Variants in RARB observed in about 807,000 individuals in gnomAD.
The protein encoded by RARB is retinoic acid receptor beta.
A neutral mutation model predicts 51.9 loss-of-function variants in RARB; 17 were observed. The observed-to-expected ratio is 0.33, with a 90% CI of 0.22 to 0.49. The LOEUF (loss-of-function observed/expected upper bound fraction) is 0.49. RARB is among the 20% of genes least tolerant of loss of function. The probability of loss-of-function intolerance (pLI) is 0.99; values close to 1 mark genes in which losing one functional copy is unlikely to be tolerated. For missense variants in RARB, 369 were observed against 550.8 expected, an observed-to-expected ratio of 0.67 and a Z score of 3.30; for synonymous variants, 215 against 195.4, an observed-to-expected ratio of 1.10 and a Z score of -0.84.
chr3:25,089,956 A>G (rs1699168029), intron 3 of RARB, among the ~76,000 whole-genome samples: 1 of 152,154 alleles, frequency 6.6e-6, no homozygotes, highest in Non-Finnish European at 1.5e-5. Flanking sequence ...TTGGAGAGCA[A>G]TCCCTTCACA....
Position 25,022,392 on chromosome 3 carries a change from A to G in RARB, c.-379-37733A>G, listed in dbSNP as rs553471149. 4.6e-5 allele frequency among the ~76,000 whole-genome samples: 7 copies of G among 152,182 alleles called. No homozygotes were observed. The South Asian group carries it at 1.2e-3, about 27-fold the overall frequency. ...AACATTCCCTTTGTGAGACACATCCATATTTTTGTGTATAAGTTGTATAGG... is the reference window on the plus strand; with the variant it reads ...AACATTCCCTTTGTGAGACACATCCGTATTTTTGTGTATAAGTTGTATAGG... On this transcript the variant is annotated intron_variant, in intron 2 of 11. Transcript: ENST00000383772.
chr3:25,151,009 T>A (rs1256373989), intron 4 of RARB, among the ~76,000 whole-genome samples: 1 of 152,204 alleles, frequency 6.6e-6, no homozygotes, highest in Non-Finnish European at 1.5e-5. Flanking sequence ...TTTATAGAAG[T>A]GGGCAGTTGG....
rs78923339 is a variant in RARB at position 25,285,118 on chromosome 3, C to T, written c.178+110543C>T. On this transcript the variant is annotated intron_variant, in intron 5 of 11. Coordinates refer to the RARB transcript ENST00000383772. ...GGGCTTCCAGTTTAATAGCTGAGAG[C>T]ATCATTACCTCAATGATCACAACAG... Among the ~76,000 whole-genome samples, 1,511 of 152,220 alleles carry T rather than the reference C, an allele frequency of 9.9e-3. 6 individuals carry two copies. Among genetic ancestry groups the T allele is most frequent in the Non-Finnish European group, 0.017 (1,152 of 68,014 alleles).
intron 5 of RARB, among the ~76,000 whole-genome samples, chr3:25,215,792 C>T (rs143287806): frequency 1.5e-3 from 230 of 152,220 alleles, no homozygotes; most frequent in African/African-American, 4.9e-3. Flanking sequence ...CTGGGTCTTA[C>T]GAGGATCAGG....
Position 25,072,526 on chromosome 3 carries a change from T to C in RARB, c.-328+12350T>C, listed in dbSNP as rs542609366. 1.2e-4 allele frequency among the ~76,000 whole-genome samples: 19 copies of C among 152,270 alleles called. No individual in the cohort carries two copies. In the South Asian group the frequency reaches 3.9e-3, roughly 32 times the overall value. The stretch of plus-strand genomic sequence containing the variant: ...TGAACTACTTGATAGCGATAACTGT[T>C]GGAAACACAAGATTCCCATACTATT... On this transcript the variant is annotated intron_variant, in intron 3 of 11. Transcript: ENST00000383772.
rs948160887 is a variant in RARB at position 25,597,899 on chromosome 3, C to T, written c.*1283C>T. The T allele has an allele frequency of 1.3e-5, 2 of 153,010 alleles. No individual in the cohort carries two copies. The highest frequency in any genetic ancestry group is 4.8e-5 in the African/African-American group (2 of 41,330). The allele number at this position is 153,010 out of a possible 1,614,324, so 9.5% of individuals were successfully genotyped here. ...TACTGTTTACCTTTTTCCATGGAGTCTCCTGGCAAAGAATAAAATATATTT... is the reference window on the plus strand; with the variant it reads ...TACTGTTTACCTTTTTCCATGGAGTTTCCTGGCAAAGAATAAAATATATTT... On this transcript the variant is annotated 3_prime_UTR_variant, in exon 8 of 8. Coordinates refer to ENST00000330688, the MANE Select transcript of RARB (RefSeq NM_000965.5).
rs1708055809 is a variant in RARB at position 25,428,276 on chromosome 3, T to G, written c.-456T>G. The G allele has an allele frequency of 2.4e-6, 3 of 1,233,900 alleles. No homozygotes were observed. In the African/African-American group the frequency reaches 4.7e-5, roughly 19 times the overall value. 76.4% of individuals were successfully genotyped at this position (1,233,900 alleles called of 1,614,324 possible). On this transcript the variant is annotated 5_prime_UTR_variant, in exon 1 of 8. Transcript: ENST00000330688. The stretch of plus-strand genomic sequence containing the variant: ...CTTTCATTCTGTGTGACAGAAGTAG[T>G]AGGAAGTGAGCTGTTCAGAGGCAGG...
At chr3:25,090,547 A>G (rs1165743700) in intron 3 of RARB, among the ~76,000 whole-genome samples, 2 of 152,136 alleles carry the variant, frequency 1.3e-5, no homozygotes, top group Admixed American at 6.6e-5. Context: ...TCCATTGAAC[A>G]CATTCCTGTT....
chr3:25,486,471 G>A (rs1357186595), intron 2 of RARB, among the ~76,000 whole-genome samples: 2 of 152,136 alleles, frequency 1.3e-5, no homozygotes, highest in East Asian at 1.9e-4. Flanking sequence ...TTTGGCCAAC[G>A]AAGTCACTCT....
intron 4 of RARB, among the ~76,000 whole-genome samples, chr3:25,135,037 C>A (rs569480140): frequency 6.7e-6 from 1 of 149,154 alleles, no homozygotes; most frequent in Non-Finnish European, 1.5e-5. Context: ...TAGGTCCCAT[C>A]ATTTCTTTCC....
chr3:24,969,981 G>T (rs1279992493), intron 2 of RARB, among the ~76,000 whole-genome samples: 1 of 152,012 alleles, frequency 6.6e-6, no homozygotes, highest in Admixed American at 6.6e-5. Flanking sequence ...GAATTTTAAA[G>T]GAAAAAGAAC....
At chr3:25,216,072 G>A (rs1365255999) in intron 5 of RARB, among the ~76,000 whole-genome samples, 1 of 152,136 alleles carries the variant, frequency 6.6e-6, no homozygotes, top group African/African-American at 2.4e-5. Context: ...GAGAGGTGCA[G>A]GTATACATAT....
chr3:25,069,326 C>A (rs767367366), intron 3 of RARB, among the ~76,000 whole-genome samples: 1 of 152,180 alleles, frequency 6.6e-6, no homozygotes, highest in African/African-American at 2.4e-5. Context: ...AAGAAAATCT[C>A]ATTTTCATGA....
chr3:24,996,220 T>A (rs1440439479), intron 2 of RARB, among the ~76,000 whole-genome samples: 1 of 152,064 alleles, frequency 6.6e-6, no homozygotes, highest in Non-Finnish European at 1.5e-5. Context: ...ATTTATTTCC[T>A]CTAGTTTTTC....
At chr3:25,414,703 T>A (rs1447739206) in intron 5 of RARB, among the ~76,000 whole-genome samples, 1 of 152,248 alleles carries the variant, frequency 6.6e-6, no homozygotes, top group Non-Finnish European at 1.5e-5. Context: ...TAGGTTTATT[T>A]GCCATATATA....
At chr3:25,503,412 C>T (rs940618926) in intron 3 of RARB, among the ~76,000 whole-genome samples, 1 of 152,106 alleles carries the variant, frequency 6.6e-6, no homozygotes, top group Non-Finnish European at 1.5e-5. Flanking sequence ...CAGGGAAAAT[C>T]AGTACTTTTG....
chr3:25,574,946 C>T (rs563550780), intron 4 of RARB, among the ~76,000 whole-genome samples: 8 of 152,238 alleles, frequency 5.3e-5, no homozygotes, highest in African/African-American at 1.9e-4. Context: ...TCCCCACTGT[C>T]ACCTCACAGC....
intron 4 of RARB, among the ~76,000 whole-genome samples, chr3:25,162,990 C>T (rs537524578): frequency 1.3e-5 from 2 of 152,300 alleles, no homozygotes; most frequent in Admixed American, 6.5e-5. Flanking sequence ...TTTTTGAGGA[C>T]CTGCCAAACT....
At chr3:25,228,239 G>GTTTTTTTTTTTT (rs1702100939) in intron 5 of RARB, among the ~76,000 whole-genome samples, 1 of 52,200 alleles carries the variant, frequency 1.9e-5, no homozygotes, top group African/African-American at 8.2e-5. Flanking sequence ...TTTTTTTTTG[G>GTTTTTTTTTTTT]TTGTTCATTT....
Sources: allele counts gnomAD v4.1 joint callset (sites outside exome capture counted in the v4.1 genomes callset), GRCh38; gene constraint gnomAD v4.1.1; transcripts MANE v1.5; gene names NCBI Gene and HGNC (gene_info 2026-07-23, HGNC 2026-07-21).